The following GADL1 variants were observed in gnomAD, a reference collection of about 807,000 sequenced individuals.
The protein encoded by GADL1 is acidic amino acid decarboxylase GADL1.
GADL1 carries 71 observed loss-of-function variants against 69.5 expected under a neutral mutation model. The observed-to-expected ratio is 1.02, with a 90% confidence interval of 0.84 to 1.25. GADL1 has a LOEUF of 1.25. Ranked by LOEUF, GADL1 falls within the 50% of genes most tolerant of loss-of-function variation. GADL1 has a pLI of 0.00. For synonymous variants in GADL1, 254 were observed against 214.4 expected (o/e 1.18, Z -1.62); for missense variants, 737 against 631.8 (o/e 1.17, Z -1.79).
intron 9 of GADL1, among the ~76,000 whole-genome samples, chr3:30,838,785 G>C (rs1431462386): frequency 1.3e-5 from 2 of 152,080 alleles, no homozygotes; most frequent in East Asian, 3.9e-4. Context: ...GAAGCAAAAT[G>C]GAATCCAGAA....
chr3:30,816,510 A>ATATATTCT lies in GADL1; in HGVS notation c.1051-15430_1051-15423dup, dbSNP rs201238859. On this transcript the variant is annotated intron_variant, in intron 11 of 14. Transcript: ENST00000282538. ...ATCTGACTTTGCTCTCCCCAAGACC[A>ATATATTCT]TATATTCTTAATTTGTTTTCTTTTT... Among the ~76,000 whole-genome samples the ATATATTCT allele has an allele frequency of 1.2e-3, 128 of 104,720 alleles. 2 individuals carry two copies. The highest frequency in any genetic ancestry group is 6.3e-3 in the African/African-American group (120 of 19,060). 68.7% of individuals were successfully genotyped at this position (104,720 alleles called of 152,430 possible). A position where few individuals can be genotyped will look rare whatever the true frequency, so the allele number is the denominator to read the frequency against.
At chr3:30,814,149 T>A (rs908750338) in intron 11 of GADL1, among the ~76,000 whole-genome samples, 3 of 152,212 alleles carry the variant, frequency 2.0e-5, no homozygotes, top group Non-Finnish European at 2.9e-5. Flanking sequence ...GTCTTCATTA[T>A]ACAGATAAAA....
At chr3:30,779,897 G>A (rs1421062957) in intron 13 of GADL1, among the ~76,000 whole-genome samples, 1 of 152,154 alleles carries the variant, frequency 6.6e-6, no homozygotes, top group Non-Finnish European at 1.5e-5. Flanking sequence ...AGAGACACTG[G>A]AGAAGGAAGG....
intron 11 of GADL1, among the ~76,000 whole-genome samples, chr3:30,831,321 T>A (rs1379481708): frequency 6.6e-6 from 1 of 151,956 alleles, no homozygotes; most frequent in Non-Finnish European, 1.5e-5. Context: ...TAATTTTTTT[T>A]AAAAAGGGCG....
intron 14 of GADL1, among the ~76,000 whole-genome samples, chr3:30,751,639 C>G (rs1695820848): frequency 6.6e-6 from 1 of 151,964 alleles, no homozygotes. Context: ...AAGACTGAAA[C>G]AGTTTGAGGA....
intron 14 of GADL1, among the ~76,000 whole-genome samples, chr3:30,754,853 G>A (rs1695929994): frequency 8.0e-6 from 1 of 124,918 alleles, no homozygotes; most frequent in South Asian, 2.7e-4. Flanking sequence ...AAAACTGCAG[G>A]GCACTGATTT....
chr3:30,756,032 T>TG (rs977327982), intron 14 of GADL1, among the ~76,000 whole-genome samples: 1 of 152,094 alleles, frequency 6.6e-6, no homozygotes, highest in Non-Finnish European at 1.5e-5. Context: ...GGAGAAACCT[T>TG]GGGACTGTGC....
intron 11 of GADL1, among the ~76,000 whole-genome samples, chr3:30,820,833 A>G (rs1161360258): frequency 6.6e-6 from 1 of 151,842 alleles, no homozygotes; most frequent in Non-Finnish European, 1.5e-5. Context: ...TATATACCCA[A>G]AGGACTATAA....
At chr3:30,799,103 T>C (rs993096402) in intron 12 of GADL1, 8 of 152,364 alleles carry the variant, frequency 5.3e-5, no homozygotes, top group African/African-American at 1.9e-4. Flanking sequence ...TGGAAGATGG[T>C]GGCCTTTGTC....
At chr3:30,800,035 T>C (rs1467236181) in intron 12 of GADL1, 1 of 152,516 alleles carries the variant, frequency 6.6e-6, no homozygotes, top group African/African-American at 2.4e-5. Flanking sequence ...TTCTGAGCCC[T>C]TCAAACTATT....
chr3:30,741,134 ATATATG>A (rs1222115822), intron 14 of GADL1, among the ~76,000 whole-genome samples: 11,004 of 124,064 alleles, frequency 0.089, 628 homozygotes, highest in East Asian at 0.22. Context: ...ATATATATAT[ATATATG>A]TGTGAGATAG....
intron 1 of GADL1, among the ~76,000 whole-genome samples, chr3:30,864,481 A>T (rs1297920146): frequency 1.3e-5 from 2 of 151,798 alleles, no homozygotes; most frequent in African/African-American, 2.4e-5. Flanking sequence ...CCAATGAATT[A>T]AAAAAAATCC....
intron 1 of GADL1, among the ~76,000 whole-genome samples, chr3:30,866,796 T>C (rs959356044): frequency 8.5e-5 from 13 of 152,064 alleles, no homozygotes; most frequent in African/African-American, 3.1e-4. Flanking sequence ...AGAGGTTTTA[T>C]TTCTTATACC....
Position 30,803,024 on chromosome 3 carries a change from C to T in GADL1, c.1051-1936G>A, listed in dbSNP as rs77984361. Among the ~76,000 whole-genome samples, 105 of 152,196 alleles carry T rather than the reference C, an allele frequency of 6.9e-4. 1 individual carries two copies. In the East Asian group the frequency reaches 0.017, roughly 25 times the overall value. ...GGAAGATCACTTGAGCCCATGAGGT[C>T]GAAGCTGCAGTGAGCTGTGAGCACA... is the stretch of plus-strand genomic sequence containing the variant. On this transcript the variant is annotated intron_variant, in intron 11 of 14. Transcript: ENST00000282538.
At chr3:30,886,837 G>T (rs55644344) in intron 1 of GADL1, among the ~76,000 whole-genome samples, 8,366 of 152,250 alleles carry the variant, frequency 0.055, 349 homozygotes, top group African/African-American at 0.12. Context: ...CAAAACCACA[G>T]ACAATGGAGT....
intron 1 of GADL1, among the ~76,000 whole-genome samples, chr3:30,877,722 TAAC>T (rs1246984080): frequency 6.6e-6 from 1 of 151,934 alleles, no homozygotes; most frequent in Admixed American, 6.6e-5. Flanking sequence ...TCTTATCAGC[TAAC>T]AACATCAGCA....
intron 4 of GADL1, among the ~76,000 whole-genome samples, chr3:30,851,755 T>C (rs189557883): frequency 6.6e-6 from 1 of 152,250 alleles, no homozygotes; most frequent in East Asian, 1.9e-4. Context: ...AAGATTGTCA[T>C]GGAGCCTGCG....
chr3:30,840,085 A>G (rs930694761), intron 8 of GADL1, among the ~76,000 whole-genome samples: 6 of 152,122 alleles, frequency 3.9e-5, no homozygotes, highest in Non-Finnish European at 8.8e-5. Flanking sequence ...AAGAATATTT[A>G]CTGCCTCTGA....
chr3:30,811,119 A>T (rs966147210), intron 11 of GADL1, among the ~76,000 whole-genome samples: 11 of 152,102 alleles, frequency 7.2e-5, no homozygotes, highest in African/African-American at 2.4e-5. Flanking sequence ...CCCGTTAGGG[A>T]TTTTCAGAGA....
Sources: gnomAD v4.1 joint callset for allele counts (sites outside exome capture counted in the v4.1 genomes callset) on GRCh38, gnomAD v4.1.1 for gene constraint, MANE v1.5 for transcripts, NCBI Gene and HGNC (gene_info 2026-07-23, HGNC 2026-07-21) for gene names.